The following DSCAML1 variants were observed in gnomAD, a reference collection of about 807,000 sequenced individuals.
DSCAML1 encodes the protein cell adhesion molecule DSCAML1.
Under a neutral mutation model 200.5 loss-of-function variants are expected in DSCAML1, and 38 were observed. The ratio of observed to expected loss-of-function variants is 0.19; its 90% confidence interval spans 0.15 to 0.25. DSCAML1 has a LOEUF of 0.25. DSCAML1 is among the 10% of genes least tolerant of loss of function. The pLI is 1.00. For synonymous variants in DSCAML1, 1,215 were observed against 1,165.0 expected, an observed-to-expected ratio of 1.04 and a Z score of -0.87; for missense variants, 2,223 against 2,858.8, an observed-to-expected ratio of 0.78 and a Z score of 5.07.
intron 1 of DSCAML1, among the ~76,000 whole-genome samples, chr11:117,791,249 T>C (rs1329929980): frequency 6.6e-6 from 1 of 152,160 alleles, no homozygotes; most frequent in Admixed American, 6.5e-5. Flanking sequence ...TGTGACAGAC[T>C]AGGTCATGGA....
At chr11:117,670,600 G>A (rs1352045269) in intron 3 of DSCAML1, among the ~76,000 whole-genome samples, 1 of 152,162 alleles carries the variant, frequency 6.6e-6, no homozygotes, top group Non-Finnish European at 1.5e-5. Flanking sequence ...AGGCTGACGG[G>A]AGGGGTCAGC....
chr11:117,552,787 T>C (rs1197501057), intron 3 of DSCAML1, among the ~76,000 whole-genome samples: 2 of 152,098 alleles, frequency 1.3e-5, no homozygotes, highest in Non-Finnish European at 2.9e-5. Flanking sequence ...GCACCTTTAG[T>C]GTCAAATCCA....
chr11:117,439,538 AG>A, intron 22 of DSCAML1, 109 bp from the exon 23 acceptor site: 1 of 1,412,286 alleles, frequency 7.1e-7, no homozygotes. Flanking sequence ...GAGGCTCGCC[AG>A]GGAACGCCGG....
intron 16 of DSCAML1, among the ~76,000 whole-genome samples, chr11:117,466,301 G>A (rs1209885070): frequency 6.6e-6 from 1 of 152,224 alleles, no homozygotes; most frequent in Non-Finnish European, 1.5e-5. Flanking sequence ...TCACAGCGCG[G>A]ATGAACCTTG....
In DSCAML1 at chr11:117,443,923, G is replaced by T; in HGVS notation, c.3825C>A (p.Asn1275Lys). ...VAAVTSAGRG[N>K]SSEKVTIEPA... ...GCTCGATGGTCACCTTCTCGCTGCT[G>T]TTGCCCCGGCCGGCAGAGGTGACGG... The change falls in exon 21 of 33, where the codon AAC (asparagine) becomes AAA (lysine). Residue 1275 changes from asparagine (N) to lysine (K), a missense_variant. This residue lies in a region of DSCAML1 where 614 missense variants were observed against 739.1 expected (regional missense o/e 0.83). Coordinates refer to ENST00000651296, the MANE Select transcript of DSCAML1 (RefSeq NM_020693.4). 1 of 1,612,486 alleles carries T rather than the reference G, an allele frequency of 6.2e-7. No individual in the cohort carries two copies. The highest frequency in any genetic ancestry group is 8.5e-7 in the Non-Finnish European group (1 of 1,179,624).
intron 3 of DSCAML1, among the ~76,000 whole-genome samples, chr11:117,745,060 G>C (rs545214818): frequency 3.7e-4 from 56 of 152,290 alleles, no homozygotes; most frequent in African/African-American, 1.3e-3. Context: ...AACATTGAGT[G>C]GGGGAAGCCA....
At chr11:117,737,798 G>A (rs144796647) in intron 3 of DSCAML1, among the ~76,000 whole-genome samples, 159 of 152,314 alleles carry the variant, frequency 1.0e-3, no homozygotes, top group Non-Finnish European at 4.4e-4. Context: ...TGTCAAGAAG[G>A]GCAGTCCCAG....
intron 3 of DSCAML1, among the ~76,000 whole-genome samples, chr11:117,633,607 T>G (rs1172696394): frequency 6.6e-6 from 1 of 152,208 alleles, no homozygotes; most frequent in Non-Finnish European, 1.5e-5. Flanking sequence ...TTGAAAGGGA[T>G]TACAGACCCT....
Position 117,428,161 on chromosome 11 carries a change from T to C in DSCAML1, c.*167A>G. On this transcript the variant is annotated 3_prime_UTR_variant, in exon 33 of 33. Transcript: ENST00000651296. ...TGGAGAAGAAGAAAATAGTTTCATT[T>C]GTACAAAAGAGTTCTATGTACAGGC... 1.8e-6 allele frequency: 1 copy of C among 557,120 alleles called. No individual in the cohort carries two copies. The highest frequency in any genetic ancestry group is 2.4e-5 in the South Asian group (1 of 41,772). 34.5% of individuals were successfully genotyped at this position (557,120 alleles called of 1,614,324 possible).
intron 3 of DSCAML1, among the ~76,000 whole-genome samples, chr11:117,637,624 C>T (rs2052319417): frequency 6.6e-6 from 1 of 152,120 alleles, no homozygotes; most frequent in Non-Finnish European, 1.5e-5. Context: ...GGATTACAGG[C>T]ATGAGCCACT....
intron 3 of DSCAML1, among the ~76,000 whole-genome samples, chr11:117,688,062 G>A (rs550420888): frequency 2.0e-5 from 3 of 152,348 alleles, no homozygotes; most frequent in South Asian, 4.1e-4. Flanking sequence ...AGGAAGAAGC[G>A]CTCATTCAGA....
chr11:117,756,919 T>G (rs117453726), intron 3 of DSCAML1, among the ~76,000 whole-genome samples: 3,377 of 152,254 alleles, frequency 0.022, 43 homozygotes, highest in Non-Finnish European at 0.032. Flanking sequence ...TAGGTGGGAT[T>G]GCTGTAGAAT....
intron 3 of DSCAML1, among the ~76,000 whole-genome samples, chr11:117,678,594 C>T (rs144443859): frequency 6.6e-5 from 10 of 152,202 alleles, no homozygotes; most frequent in East Asian, 1.9e-4. Flanking sequence ...AAAGCATTTC[C>T]GAAAAGGTGA....
chr11:117,755,798 G>A (rs1277490671), intron 3 of DSCAML1, among the ~76,000 whole-genome samples: 1 of 152,136 alleles, frequency 6.6e-6, no homozygotes, highest in Non-Finnish European at 1.5e-5. Flanking sequence ...AGGAGCACCT[G>A]GCTGTGGACT....
chr11:117,438,120 C>A, intron 24 of DSCAML1, 37 bp from the exon 25 acceptor site: 3 of 1,560,220 alleles, frequency 1.9e-6, no homozygotes, highest in Non-Finnish European at 2.6e-6. Context: ...GGGGGCAGGG[C>A]AGGGCAAGGC....
intron 3 of DSCAML1, among the ~76,000 whole-genome samples, chr11:117,581,479 G>T (rs149205993): frequency 6.6e-6 from 1 of 152,030 alleles, no homozygotes; most frequent in Non-Finnish European, 1.5e-5. Context: ...CCAGCTCCTG[G>T]CAACCACTGA....
At chr11:117,601,746 T>A (rs1390840303) in intron 3 of DSCAML1, among the ~76,000 whole-genome samples, 1 of 152,228 alleles carries the variant, frequency 6.6e-6, no homozygotes, top group Non-Finnish European at 1.5e-5. Flanking sequence ...CTTGAACACA[T>A]GGGACCTGGC....
At chr11:117,726,498 A>G (rs967329625) in intron 3 of DSCAML1, among the ~76,000 whole-genome samples, 3 of 152,108 alleles carry the variant, frequency 2.0e-5, no homozygotes, top group Non-Finnish European at 4.4e-5. Flanking sequence ...TGACCTAAGC[A>G]AAGGGCCCTT....
intron 1 of DSCAML1, among the ~76,000 whole-genome samples, chr11:117,796,756 G>A (rs569657094): frequency 2.2e-4 from 33 of 152,320 alleles, no homozygotes; most frequent in African/African-American, 7.9e-4. Flanking sequence ...CAGAACTGCC[G>A]CCGTGCAGGG....
Sources: allele counts gnomAD v4.1 joint callset (sites outside exome capture counted in the v4.1 genomes callset), GRCh38; gene constraint gnomAD v4.1.1; regional missense constraint gnomAD v4.1.1; transcripts MANE v1.5; gene names NCBI Gene and HGNC (gene_info 2026-07-23, HGNC 2026-07-21).